Variants in LRRTM4 observed in about 807,000 individuals in gnomAD.
The protein encoded by LRRTM4 is leucine-rich repeat transmembrane neuronal protein 4.
Under a neutral mutation model 47.6 loss-of-function variants are expected in LRRTM4, and 25 were observed. The ratio of observed to expected loss-of-function variants is 0.53; its 90% confidence interval spans 0.38 to 0.73. The LOEUF (loss-of-function observed/expected upper bound fraction) is 0.73, where lower values mean the gene tolerates loss of function less well. Ranked by LOEUF, LRRTM4 falls within the 30% of genes least tolerant of loss-of-function variation. The probability of loss-of-function intolerance (pLI) is 0.00; values close to 1 mark genes in which losing one functional copy is unlikely to be tolerated. For synonymous variants in LRRTM4, 311 were observed against 269.5 expected (o/e 1.15, Z -1.51); for missense variants, 638 against 713.4 (o/e 0.89, Z 1.20).
chr2:77,368,192 G>A (rs1326557150), intron 3 of LRRTM4, among the ~76,000 whole-genome samples: 1 of 151,526 alleles, frequency 6.6e-6, no homozygotes, highest in East Asian at 1.9e-4. Flanking sequence ...GTGGGCAGGT[G>A]CCCTAGCTAG....
intron 3 of LRRTM4, among the ~76,000 whole-genome samples, chr2:76,820,362 G>T (rs1047712524): frequency 3.3e-5 from 5 of 151,718 alleles, no homozygotes; most frequent in Non-Finnish European, 7.4e-5. Context: ...AGAAGAATAA[G>T]ACTCAAGGCT....
intron 3 of LRRTM4, among the ~76,000 whole-genome samples, chr2:77,233,403 C>G (rs978589537): frequency 2.0e-5 from 3 of 152,070 alleles, no homozygotes; most frequent in African/African-American, 7.2e-5. Context: ...AAAGTTACCT[C>G]CATAATATTG....
chr2:76,797,296 G>C (rs1675389292), intron 3 of LRRTM4, among the ~76,000 whole-genome samples: 1 of 152,018 alleles, frequency 6.6e-6, no homozygotes, highest in Non-Finnish European at 1.5e-5. Context: ...CCAGAAGAGA[G>C]TGGGGGCCAA....
At chr2:76,873,531 T>C (rs1297417672) in intron 3 of LRRTM4, among the ~76,000 whole-genome samples, 5 of 146,554 alleles carry the variant, frequency 3.4e-5, no homozygotes, top group Non-Finnish European at 7.5e-5. Context: ...TATATATATA[T>C]ATACAACATA....
chr2:76,795,590 C>CATAT (rs1553410021), intron 3 of LRRTM4, among the ~76,000 whole-genome samples: 1 of 64,782 alleles, frequency 1.5e-5, no homozygotes, highest in African/African-American at 1.0e-4. Context: ...CACACACACA[C>CATAT]ATACACACAC....
chr2:77,320,452 C>T (rs1406699582), intron 3 of LRRTM4, among the ~76,000 whole-genome samples: 2 of 152,144 alleles, frequency 1.3e-5, no homozygotes, highest in African/African-American at 4.8e-5. Flanking sequence ...GTTGTGCTCG[C>T]ATGAGATATT....
chr2:77,080,324 C>T (rs377299446), intron 3 of LRRTM4, among the ~76,000 whole-genome samples: 1 of 152,196 alleles, frequency 6.6e-6, no homozygotes, highest in East Asian at 1.9e-4. Context: ...TGTCAGTTTC[C>T]TTTGAGCACT....
chr2:77,492,131 T>A (rs955898311), intron 3 of LRRTM4, among the ~76,000 whole-genome samples: 6 of 152,290 alleles, frequency 3.9e-5, no homozygotes, highest in South Asian at 2.1e-4. Flanking sequence ...CCACATTTTT[T>A]AAAATATACA....
chr2:77,393,636 T>C lies in LRRTM4; in HGVS notation c.1551+124682A>G, dbSNP rs577513882. On this transcript the variant is annotated intron_variant, in intron 3 of 3. Coordinates refer to ENST00000409884, the MANE Select transcript of LRRTM4 (RefSeq NM_001134745.3). The stretch of plus-strand genomic sequence containing the variant: ...GCAGACAAGTCACTGTGATCAGGTT[T>C]GTTTTTTGGAACAATCACTTTACTA... Among the ~76,000 whole-genome samples the C allele has an allele frequency of 7.2e-5, 11 of 152,126 alleles. No homozygotes were observed. In the South Asian group the frequency reaches 2.1e-3, roughly 29 times the overall value.
chr2:77,412,390 A>C (rs551590210), intron 3 of LRRTM4, among the ~76,000 whole-genome samples: 1 of 152,280 alleles, frequency 6.6e-6, no homozygotes, highest in East Asian at 1.9e-4. Context: ...AGCATACCAC[A>C]ATTGCATCTG....
At chr2:77,208,878 G>A (rs1458172046) in intron 3 of LRRTM4, among the ~76,000 whole-genome samples, 1 of 152,112 alleles carries the variant, frequency 6.6e-6, no homozygotes, top group Non-Finnish European at 1.5e-5. Context: ...AACCCAGTTG[G>A]CTATTTGTAC....
chr2:76,963,883 A>G (rs1234771879), intron 3 of LRRTM4, among the ~76,000 whole-genome samples: 1 of 150,774 alleles, frequency 6.6e-6, no homozygotes, highest in Admixed American at 6.6e-5. Context: ...ATATAATTTT[A>G]AAAATTTCAT....
intron 3 of LRRTM4, among the ~76,000 whole-genome samples, chr2:77,212,478 G>T (rs529240030): frequency 0.019 from 2,833 of 147,300 alleles, 60 homozygotes; most frequent in African/African-American, 0.059. Flanking sequence ...TATATATAGA[G>T]AGAGAGAGAG....
intron 3 of LRRTM4, among the ~76,000 whole-genome samples, chr2:77,170,940 A>ATGTAT (rs1445774947): frequency 1.3e-5 from 1 of 77,262 alleles, no homozygotes; most frequent in Non-Finnish European, 2.3e-5. Context: ...AGCTATATTT[A>ATGTAT]TGTATTATAT....
chr2:77,201,529 A>G (rs6757172), intron 3 of LRRTM4, among the ~76,000 whole-genome samples: 30,011 of 152,060 alleles, frequency 0.2, 5,687 homozygotes, highest in African/African-American at 0.49. Context: ...TGACAGAGAG[A>G]TGTCTATATA....
chr2:76,902,171 T>C (rs1241923124), intron 3 of LRRTM4, among the ~76,000 whole-genome samples: 1 of 152,158 alleles, frequency 6.6e-6, no homozygotes, highest in African/African-American at 2.4e-5. Context: ...AGTGACAAAA[T>C]TAACAGTCCA....
chr2:77,288,791 T>A (rs1285607977), intron 3 of LRRTM4, among the ~76,000 whole-genome samples: 2 of 152,056 alleles, frequency 1.3e-5, no homozygotes, highest in African/African-American at 4.8e-5. Context: ...GTTTCCCAAT[T>A]TCCCAGACTT....
intron 3 of LRRTM4, among the ~76,000 whole-genome samples, chr2:77,186,641 A>C (rs921035977): frequency 6.6e-6 from 1 of 152,200 alleles, no homozygotes; most frequent in Admixed American, 6.6e-5. Flanking sequence ...AATGTCATAA[A>C]AAGGAAATAA....
At chr2:77,463,687 T>C (rs564605084) in intron 3 of LRRTM4, among the ~76,000 whole-genome samples, 4 of 152,216 alleles carry the variant, frequency 2.6e-5, no homozygotes, top group Admixed American at 2.6e-4. Context: ...GTTACATTCC[T>C]CCTAGTTCAA....
Sources: allele counts gnomAD v4.1 joint callset (sites outside exome capture counted in the v4.1 genomes callset), GRCh38; gene constraint gnomAD v4.1.1; transcripts MANE v1.5; gene names NCBI Gene and HGNC (gene_info 2026-07-23, HGNC 2026-07-21).